The following MYO9B variants were observed in gnomAD, a reference collection of about 807,000 sequenced individuals.
MYO9B encodes the protein myosin IXB, also known as unconventional myosin-IXb.
Under a neutral mutation model 229.5 loss-of-function variants are expected in MYO9B, and 71 were observed. That is an observed-to-expected ratio of 0.31 (90% CI 0.26 to 0.38). The LOEUF (loss-of-function observed/expected upper bound fraction) is 0.38. Ranked by LOEUF, MYO9B falls within the 10% of genes least tolerant of loss-of-function variation. The pLI is 1.00. For synonymous variants in MYO9B, 1,185 were observed against 1,235.8 expected, an observed-to-expected ratio of 0.96 and a Z score of 0.86; for missense variants, 2,255 against 2,920.5, an observed-to-expected ratio of 0.77 and a Z score of 5.25.
intron 2 of MYO9B, among the ~76,000 whole-genome samples, chr19:17,118,449 T>A (rs563981190): frequency 9.2e-5 from 14 of 152,022 alleles, no homozygotes; most frequent in Admixed American, 8.5e-4. Context: ...TTTTTTAAAA[T>A]TTTTTAAAAT....
chr19:17,140,002 T>C (rs2072318014), intron 2 of MYO9B, among the ~76,000 whole-genome samples: 1 of 150,460 alleles, frequency 6.6e-6, no homozygotes, highest in Non-Finnish European at 1.5e-5. Flanking sequence ...GATCGCGCCA[T>C]TGCACCCCAG....
At position 17,197,424 on chromosome 19, in the gene MYO9B, A is replaced by G. The variant is rs4808597; in HGVS notation, c.4047-368A>G. On this transcript the variant is annotated intron_variant, in intron 22 of 39. Transcript: ENST00000682292. Reference sequence around the variant, plus strand: ...AGATAGATGATAGATAGATAGATAGATAGATAGATAGATAGATAGATAGAT... The same window carrying G: ...AGATAGATGATAGATAGATAGATAGGTAGATAGATAGATAGATAGATAGAT... Among the ~76,000 whole-genome samples, 794 of 88,348 alleles carry G rather than the reference A, an allele frequency of 9.0e-3. 14 individuals are homozygous for G. The East Asian group carries it at 0.17, about 19-fold the overall frequency. The allele number at this position is 88,348 out of a possible 152,430, so 58.0% of individuals were successfully genotyped here.
intron 3 of MYO9B, among the ~76,000 whole-genome samples, chr19:17,146,161 AGATGGATGGATGGATGGATGGATG>A (rs56016892): frequency 2.0e-5 from 2 of 100,850 alleles, no homozygotes; most frequent in South Asian, 6.5e-4. Flanking sequence ...GTGGGTGGAT[AGATGGATGGATGGATGGATGGATG>A]GATGGATGGA....
rs561590747 is a variant in MYO9B, at chr19:17,164,278, G to T, written c.1671+1156G>T. Among the ~76,000 whole-genome samples, 39 of 152,336 alleles carry T rather than the reference G, an allele frequency of 2.6e-4. No individual in the cohort carries two copies. In the Middle Eastern group the frequency reaches 0.014, roughly 53 times the overall value. ...AGGAATGTTTTGAGCCACAGTTCATGTGGGGGCTTCTGTGTCCAAACAGAA... is the reference window on the plus strand; with the variant it reads ...AGGAATGTTTTGAGCCACAGTTCATTTGGGGGCTTCTGTGTCCAAACAGAA... On this transcript the variant is annotated intron_variant, in intron 10 of 39. Coordinates refer to ENST00000682292, the MANE Select transcript of MYO9B (RefSeq NM_004145.4).
chr19:17,110,227 A>C (rs1423366269), intron 2 of MYO9B, among the ~76,000 whole-genome samples: 1 of 152,132 alleles, frequency 6.6e-6, no homozygotes, highest in East Asian at 1.9e-4. Context: ...TGCTGACCAA[A>C]AAACAGGAAG....
intron 8 of MYO9B, 27 bp downstream of exon 8, chr19:17,159,511 G>A (rs1469760976): frequency 6.3e-7 from 1 of 1,587,034 alleles, no homozygotes; most frequent in South Asian, 1.1e-5. Flanking sequence ...CACTCACAGG[G>A]TGCCAGATCC....
chr19:17,086,194 C>A (rs2057581153), intron 1 of MYO9B, among the ~76,000 whole-genome samples: 1 of 152,222 alleles, frequency 6.6e-6, no homozygotes, highest in South Asian at 2.1e-4. Context: ...GCATGAAAAT[C>A]TAACCACATT....
chr19:17,208,248 A>G (rs1209851944), intron 35 of MYO9B, among the ~76,000 whole-genome samples: 3 of 145,838 alleles, frequency 2.1e-5, no homozygotes, highest in South Asian at 2.2e-4. Context: ...CTGAGGCAGG[A>G]TAATTGCTTG....
At chr19:17,098,398 T>C (rs2057713110) in intron 1 of MYO9B, among the ~76,000 whole-genome samples, 1 of 152,192 alleles carries the variant, frequency 6.6e-6, no homozygotes, top group Non-Finnish European at 1.5e-5. Context: ...ATGTCTTCTC[T>C]TGTCCTTTAG....
chr19:17,162,531 C>T (rs1192005174), intron 9 of MYO9B, 65 bp downstream of exon 9: 27 of 1,347,124 alleles, frequency 2.0e-5, no homozygotes, highest in Non-Finnish European at 2.4e-5. Flanking sequence ...TACCAATATC[C>T]TTGGTGGGCG....
At chr19:17,115,932 C>G (rs1189349267) in intron 2 of MYO9B, among the ~76,000 whole-genome samples, 2 of 152,132 alleles carry the variant, frequency 1.3e-5, no homozygotes, top group Admixed American at 1.3e-4. Context: ...TTTCCCCACA[C>G]AGAGTCATAA....
At chr19:17,134,377 G>GTTTTTTTTTTT (rs1568267173) in intron 2 of MYO9B, among the ~76,000 whole-genome samples, 7 of 39,732 alleles carry the variant, frequency 1.8e-4, no homozygotes, top group African/African-American at 6.6e-4. Context: ...TTTTCGTTTT[G>GTTTTTTTTTTT]TTTGTTTTTT....
In MYO9B at chr19:17,212,467, A is replaced by G; in HGVS notation, c.*157A>G. 2 of 882,770 alleles carry G rather than the reference A, an allele frequency of 2.3e-6. No homozygotes were observed. The highest frequency in any genetic ancestry group is 3.2e-6 in the Non-Finnish European group (2 of 624,634). The allele number at this position is 882,770 out of a possible 1,614,324, so 54.7% of individuals were successfully genotyped here. The stretch of plus-strand genomic sequence containing the variant: ...GGCACCGGCCCCAAGTGCAGAGTCA[A>G]GGCAGGGAGAGGCCGGCTGGAGCCA... On this transcript the variant is annotated 3_prime_UTR_variant, in exon 40 of 40. Coordinates refer to ENST00000682292, the MANE Select transcript of MYO9B (RefSeq NM_004145.4). The surrounding 1 kb of genome is among the most constrained non-coding windows in gnomAD (Gnocchi z 5.4).
chr19:17,099,746 A>G (rs1216491890), intron 1 of MYO9B, among the ~76,000 whole-genome samples: 1 of 139,792 alleles, frequency 7.2e-6, no homozygotes, highest in Non-Finnish European at 1.5e-5. Flanking sequence ...TGAACCCGGG[A>G]GGCGGAGCTT....
chr19:17,189,872 G>A (rs1421412019), intron 19 of MYO9B, among the ~76,000 whole-genome samples: 1 of 151,824 alleles, frequency 6.6e-6, no homozygotes, highest in Non-Finnish European at 1.5e-5. Context: ...GACCATCCTG[G>A]CTACCACGGT....
At chr19:17,210,600 A>AC in intron 37 of MYO9B, 115 bp from the exon 38 acceptor site, 1 of 1,350,978 alleles carries the variant, frequency 7.4e-7, no homozygotes, top group Non-Finnish European at 9.9e-7. Context: ...GAGAAGTCTC[A>AC]CTAAGAGCCC....
intron 1 of MYO9B, among the ~76,000 whole-genome samples, chr19:17,087,964 G>GT (rs1247919566): frequency 3.3e-5 from 5 of 151,816 alleles, no homozygotes; most frequent in Non-Finnish European, 7.4e-5. Flanking sequence ...GCCAGGCGTG[G>GT]TGGTGGGTGC....
intron 4 of MYO9B, among the ~76,000 whole-genome samples, chr19:17,153,479 G>A (rs2072502925): frequency 6.6e-6 from 1 of 150,834 alleles, no homozygotes; most frequent in Non-Finnish European, 1.5e-5. Flanking sequence ...ATGAACCCAG[G>A]AGTTCGAGAC....
At chr19:17,129,581 G>A (rs2072168922) in intron 2 of MYO9B, among the ~76,000 whole-genome samples, 1 of 152,180 alleles carries the variant, frequency 6.6e-6, no homozygotes. Flanking sequence ...AGCCACGGAC[G>A]CGTCAGCCTC....
Sources: allele counts gnomAD v4.1 joint callset (sites outside exome capture counted in the v4.1 genomes callset), GRCh38; gene constraint gnomAD v4.1.1; non-coding constraint Gnocchi (gnomAD v3.1); transcripts MANE v1.5; gene names NCBI Gene and HGNC (gene_info 2026-07-23, HGNC 2026-07-21).